The following ACTN4 variants were observed in gnomAD, a reference collection of about 807,000 sequenced individuals.
ACTN4 encodes actinin alpha 4.
A neutral mutation model predicts 114.2 loss-of-function variants in ACTN4; 18 were observed. The ratio of observed to expected loss-of-function variants is 0.16; its 90% confidence interval spans 0.11 to 0.23. The LOEUF (loss-of-function observed/expected upper bound fraction) is 0.23. Among genes scored for constraint, ACTN4 ranks in the 10% least tolerant of loss-of-function variants. The pLI, the probability that ACTN4 is intolerant of heterozygous loss-of-function variation, is 1.00. For synonymous variants in ACTN4, 515 were observed against 506.3 expected (o/e 1.02, Z -0.23); for missense variants, 722 against 1,262.9 (o/e 0.57, Z 6.49).
At chr19:38,708,263 C>G in intron 6 of ACTN4, 68 bp downstream of exon 6, 1 of 1,515,132 alleles carries the variant, frequency 6.6e-7, no homozygotes, top group Non-Finnish European at 9.2e-7. Context: ...CTCCGGGTCA[C>G]CATCCCCATG....
In ACTN4 at chr19:38,717,455, G is replaced by A; in HGVS notation, c.1143+139G>A. The A allele has an allele frequency of 3.4e-6, 4 of 1,178,244 alleles. No homozygotes were observed. The highest frequency in any genetic ancestry group is 4.8e-6 in the Non-Finnish European group (4 of 830,762). The allele number at this position is 1,178,244 out of a possible 1,614,324, so 73.0% of individuals were successfully genotyped here. ...CATGGCATGGCCTTTCGGATGCAGT[G>A]GTCGGGGAGGGGTGCACTTCACTCG... is the stretch of plus-strand genomic sequence containing the variant. On this transcript the variant is annotated intron_variant, in intron 10 of 20. Transcript: ENST00000252699. The surrounding 1 kb of genome is among the most constrained non-coding windows in gnomAD (Gnocchi z 4.0).
In ACTN4 at chr19:38,727,094, C is replaced by T. The variant is rs1969260127; in HGVS notation, c.2328C>T (p.His776=). ...QMQEFRASFN[H]FDKDHGGALG... is the part of the protein sequence containing the mutation. ...AGGAGTTCCGGGCGTCCTTCAACCACTTCGACAAGGTGAGCAGCCTGCCAC... is the reference window on the plus strand; with the variant it reads ...AGGAGTTCCGGGCGTCCTTCAACCATTTCGACAAGGTGAGCAGCCTGCCAC... Residue 776 remains histidine, a synonymous_variant, in exon 18 of 21, where the codon CAC becomes CAT. Transcript: ENST00000252699. The surrounding 1 kb of genome is among the most constrained non-coding windows in gnomAD (Gnocchi z 5.4). The T allele has an allele frequency of 1.9e-6, 3 of 1,613,914 alleles. No homozygotes were observed. Among genetic ancestry groups the T allele is most frequent in the Admixed American group, 3.3e-5 (2 of 60,008 alleles).
intron 1 of ACTN4, among the ~76,000 whole-genome samples, chr19:38,700,231 C>T (rs114867808): frequency 0.02 from 2,985 of 152,218 alleles, 134 homozygotes; most frequent in South Asian, 0.15. Flanking sequence ...AGTGAGCCGG[C>T]GGCGGGCTGA....
intron 11 of ACTN4, among the ~76,000 whole-genome samples, chr19:38,719,739 T>C (rs1400810248): frequency 6.6e-6 from 1 of 152,244 alleles, no homozygotes; most frequent in Non-Finnish European, 1.5e-5. Flanking sequence ...TGGCTGAACC[T>C]TCTGGGGGTC....
chr19:38,712,972 T>C (rs1219015613), intron 8 of ACTN4, among the ~76,000 whole-genome samples: 4 of 135,302 alleles, frequency 3.0e-5, no homozygotes, highest in East Asian at 4.3e-4. Context: ...GAGGGGGTAG[T>C]GGAGGCCCGG....
chr19:38,696,765 G>A lies in ACTN4; in HGVS notation c.163-3835G>A, dbSNP rs140194105. ...GTGAGAACAGGAGTGCATCAGTGGGGTTCCCCAAGCCTGTGTCAGGTCCGG... is the reference window on the plus strand; with the variant it reads ...GTGAGAACAGGAGTGCATCAGTGGGATTCCCCAAGCCTGTGTCAGGTCCGG... On this transcript the variant is annotated intron_variant, in intron 1 of 20. Transcript: ENST00000252699. 5.3e-3 allele frequency among the ~76,000 whole-genome samples: 808 copies of A among 152,282 alleles called. 8 individuals are homozygous for A. The highest frequency in any genetic ancestry group is 0.016 in the African/African-American group (682 of 41,548).
chr19:38,683,605 C>T (rs568392168), intron 1 of ACTN4, among the ~76,000 whole-genome samples: 9 of 152,304 alleles, frequency 5.9e-5, no homozygotes, highest in South Asian at 2.1e-4. Flanking sequence ...TGTGAGTCAC[C>T]GGTGATAGCC....
At chr19:38,663,248 T>A (rs1206056603) in intron 1 of ACTN4, among the ~76,000 whole-genome samples, 1 of 152,074 alleles carries the variant, frequency 6.6e-6, no homozygotes. Context: ...GTAACATGAG[T>A]TGGGGCTTCT....
chr19:38,687,777 C>G (rs2144945417), intron 1 of ACTN4, among the ~76,000 whole-genome samples: 1 of 152,292 alleles, frequency 6.6e-6, no homozygotes, highest in South Asian at 2.1e-4. Context: ...ATAGATAAAT[C>G]AGACTGTTTC....
intron 1 of ACTN4, among the ~76,000 whole-genome samples, chr19:38,663,360 T>C (rs990173856): frequency 3.3e-5 from 5 of 152,144 alleles, no homozygotes; most frequent in African/African-American, 1.2e-4. Context: ...GCCGAGCCTT[T>C]AGGGGTATGA....
Position 38,727,632 on chromosome 19 carries a change from C to G in ACTN4, c.2338-314C>G, listed in dbSNP as rs1048505737. Among the ~76,000 whole-genome samples the G allele has an allele frequency of 2.2e-5, 3 of 139,174 alleles. No homozygotes were observed. The highest frequency in any genetic ancestry group is 3.2e-5 in the Non-Finnish European group (2 of 63,476). The allele number at this position is 139,174 out of a possible 152,430, so 91.3% of individuals were successfully genotyped here. On this transcript the variant is annotated intron_variant, in intron 18 of 20. Coordinates refer to ENST00000252699, the MANE Select transcript of ACTN4 (RefSeq NM_004924.6). The surrounding 1 kb of genome is among the most constrained non-coding windows in gnomAD (Gnocchi z 5.4). ...AAATCCCAAAGGCAAGGAGAACCCC[C>G]CCCCCGACCCTCCACCAGTCCTGGG... is the stretch of plus-strand genomic sequence containing the variant.
Position 38,731,287 on chromosome 19 carries a change from A to G in ACTN4, c.*1855A>G. The stretch of plus-strand genomic sequence containing the variant: ...GAACCCACCTTGGCATTGCATCCCC[A>G]CCCCACCTCCTCAGGGAGGACATGA... On this transcript the variant is annotated 3_prime_UTR_variant, in exon 21 of 21. Transcript: ENST00000252699. 3.2e-6 allele frequency: 4 copies of G among 1,251,736 alleles called. No individual in the cohort carries two copies. The highest frequency in any genetic ancestry group is 4.7e-6 in the Non-Finnish European group (4 of 857,514). 77.5% of individuals were successfully genotyped at this position (1,251,736 alleles called of 1,614,324 possible). A position where few individuals can be genotyped will look rare whatever the true frequency, so the allele number is the denominator to read the frequency against.
rs376226648 is a variant in ACTN4 at position 38,725,909 on chromosome 19, C to T, written c.2190+6C>T. ...ACACCAACTATACCATGGAGGTGCG[C>T]GGCTGCCCCGCCCGCTGGCCTTTCC... On this transcript the variant is annotated splice_donor_region_variant and intron_variant, in intron 17 of 20. Coordinates refer to ENST00000252699, the MANE Select transcript of ACTN4 (RefSeq NM_004924.6). 9.5e-5 allele frequency: 154 copies of T among 1,613,448 alleles called. No homozygotes were observed. The highest frequency in any genetic ancestry group is 1.1e-4 in the Non-Finnish European group (128 of 1,180,038).
At chr19:38,702,266 G>C (rs1424708578) in intron 3 of ACTN4, among the ~76,000 whole-genome samples, 1 of 152,226 alleles carries the variant, frequency 6.6e-6, no homozygotes, top group Non-Finnish European at 1.5e-5. Flanking sequence ...TGCCCAAATT[G>C]GTTCACTCCC....
chr19:38,727,195 T>A lies in ACTN4; in HGVS notation c.2337+92T>A, dbSNP rs1969264740. 6.3e-7 allele frequency: 1 copy of A among 1,584,554 alleles called. No individual in the cohort carries two copies. The highest frequency in any genetic ancestry group is 8.6e-7 in the Non-Finnish European group (1 of 1,162,712). On this transcript the variant is annotated intron_variant, in intron 18 of 20. Transcript: ENST00000252699. This position sits in a 1 kb window ranked among gnomAD's most constrained non-coding sequence, Gnocchi z 5.4. ...CTCTGCATCTGTTCGTCCATTCCCA[T>A]CACAGTTGCTGAGCGTCGGCCGCCA...
At chr19:38,707,448 G>A (rs1346359795) in intron 5 of ACTN4, among the ~76,000 whole-genome samples, 2 of 152,108 alleles carry the variant, frequency 1.3e-5, no homozygotes, top group Non-Finnish European at 2.9e-5. Flanking sequence ...TCCCTGGGTG[G>A]CCTTTCTGAG....
Position 38,691,424 on chromosome 19 carries a change from C to CA in ACTN4, c.163-9165dup, listed in dbSNP as rs72251064. On this transcript the variant is annotated intron_variant, in intron 1 of 20. Coordinates refer to ENST00000252699, the MANE Select transcript of ACTN4 (RefSeq NM_004924.6). ...CTCAAAAAAAAAAAAACAAAAAAAA[C>CA]AAAAAAAAAAACCCAACAACGCAGA... Among the ~76,000 whole-genome samples the CA allele has an allele frequency of 3.7e-3, 459 of 122,456 alleles. 8 individuals carry two copies. Among genetic ancestry groups the CA allele is most frequent in the East Asian group, 0.03 (123 of 4,044 alleles). 80.3% of individuals were successfully genotyped at this position (122,456 alleles called of 152,430 possible). A position where few individuals can be genotyped will look rare whatever the true frequency, so the allele number is the denominator to read the frequency against.
chr19:38,706,163 C>T, intron 5 of ACTN4, 32 bp downstream of exon 5: 1 of 1,597,440 alleles, frequency 6.3e-7, no homozygotes, highest in Non-Finnish European at 8.6e-7. Flanking sequence ...CCTCTCCTTT[C>T]CTCTAGGAAC....
At chr19:38,648,853 G>A (rs967964337) in intron 1 of ACTN4, among the ~76,000 whole-genome samples, 2 of 151,840 alleles carry the variant, frequency 1.3e-5, no homozygotes. Context: ...AGAGAATGAG[G>A]AAGTGTAGAG....
Sources: allele counts gnomAD v4.1 joint callset (sites outside exome capture counted in the v4.1 genomes callset), GRCh38; gene constraint gnomAD v4.1.1; non-coding constraint Gnocchi (gnomAD v3.1); transcripts MANE v1.5; gene names NCBI Gene and HGNC (gene_info 2026-07-23, HGNC 2026-07-21).